Variants in ZNF479 observed in about 807,000 individuals in gnomAD.
ZNF479 encodes the protein KRAB zinc finger protein KR19.
In ZNF479, 15 loss-of-function variants were observed where a neutral mutation model predicts 14.7. That is an observed-to-expected ratio of 1.02 (90% confidence interval 0.68 to 1.57). The LOEUF (loss-of-function observed/expected upper bound fraction) is 1.57. ZNF479 is among the 40% of genes most tolerant of loss of function. The pLI is 0.00. For synonymous variants in ZNF479, 145 were observed against 211.5 expected (o/e 0.69, Z 2.73); for missense variants, 506 against 615.1 (o/e 0.82, Z 1.88).
intron 1 of ZNF479, among the ~76,000 whole-genome samples, chr7:57,139,007 T>C (rs117870900): frequency 6.6e-6 from 1 of 152,202 alleles, no homozygotes; most frequent in African/African-American, 2.4e-5. Flanking sequence ...CTTAGGGCAA[T>C]GGGCATGATC....
rs564686669 is a variant in ZNF479, at chr7:57,120,274, A to G, written c.1141T>C (p.Tyr381His). Residue 381 changes from tyrosine to histidine, a missense_variant, in exon 4 of 4, where the codon TAC becomes CAC. This residue lies in a region of ZNF479 where 420 missense variants were observed against 474.2 expected (regional missense o/e 0.89). Coordinates refer to ENST00000319636, the MANE Select transcript of ZNF479 (RefSeq NM_001370129.2). ...HRRIHTGEKP[Y>H]TCEECGQDFR... ...TCTTGGCCACATTCTTCACATGTGT[A>G]GGGTTTCTCTCCAGTATGAATTCTC... The G allele has an allele frequency of 2.0e-4, 319 of 1,606,930 alleles. 6 individuals carry two copies. The South Asian group carries it at 3.4e-3, about 17-fold the overall frequency.
rs1339134613 is a variant in ZNF479, at chr7:57,119,542, G to T, written c.*298C>A. On this transcript the variant is annotated 3_prime_UTR_variant, in exon 4 of 4. Transcript: ENST00000319636. Reference sequence around the variant, plus strand: ...GAATCGCTTGAACCCGGAAGGCAGAGGTTACAGTGAGCTGAGATCATGACA... The same window carrying T: ...GAATCGCTTGAACCCGGAAGGCAGATGTTACAGTGAGCTGAGATCATGACA... 5 of 300,834 alleles carry T rather than the reference G, an allele frequency of 1.7e-5. No individual in the cohort carries two copies. Among genetic ancestry groups the T allele is most frequent in the Non-Finnish European group, 3.1e-5 (5 of 159,368 alleles). The allele number at this position is 300,834 out of a possible 1,614,324, so 18.6% of individuals were successfully genotyped here.
At chr7:57,130,958 C>T (rs796406718) in intron 1 of ZNF479, among the ~76,000 whole-genome samples, 9 of 152,152 alleles carry the variant, frequency 5.9e-5, no homozygotes, top group African/African-American at 2.2e-4. Context: ...GCAGCAATGT[C>T]GATTGAACTG....
intron 3 of ZNF479, among the ~76,000 whole-genome samples, chr7:57,123,446 A>G (rs1353138524): frequency 6.6e-6 from 1 of 152,242 alleles, no homozygotes; most frequent in East Asian, 1.9e-4. Flanking sequence ...GGCTAAACAG[A>G]CATGTACAGA....
chr7:57,137,917 C>T (rs1786718963), intron 1 of ZNF479, among the ~76,000 whole-genome samples: 1 of 151,988 alleles, frequency 6.6e-6, no homozygotes, highest in Admixed American at 6.6e-5. Context: ...CTTTTTTTGC[C>T]TTGAATCTGT....
At chr7:57,131,518 G>A (rs1419231596) in intron 1 of ZNF479, among the ~76,000 whole-genome samples, 2 of 148,752 alleles carry the variant, frequency 1.3e-5, no homozygotes, top group African/African-American at 2.4e-5. Context: ...AGGTGAGATC[G>A]CACCACTGCA....
Position 57,119,580 on chromosome 7 carries a change from C to G in ZNF479, c.*260G>C, listed in dbSNP as rs1318645409. On this transcript the variant is annotated 3_prime_UTR_variant, in exon 4 of 4. Coordinates refer to ENST00000319636, the MANE Select transcript of ZNF479 (RefSeq NM_001370129.2). The stretch of plus-strand genomic sequence containing the variant: ...TGAGATCATGACACTGCACTCCAGC[C>G]TGGGTGACACAGGGAGACTCCAACT... 2.5e-6 allele frequency: 1 copy of G among 401,690 alleles called. No homozygotes were observed. Among genetic ancestry groups the G allele is most frequent in the Admixed American group, 4.1e-5 (1 of 24,512 alleles). 24.9% of individuals were successfully genotyped at this position (401,690 alleles called of 1,614,324 possible).
Position 57,118,836 on chromosome 7 carries a change from G to T in ZNF479, c.*1004C>A, listed in dbSNP as rs541244618. Among the ~76,000 whole-genome samples, 3 of 146,650 alleles carry T rather than the reference G, an allele frequency of 2.0e-5. No homozygotes were observed. The highest frequency in any genetic ancestry group is 1.4e-4 in the Admixed American group (2 of 14,406). On this transcript the variant is annotated 3_prime_UTR_variant, in exon 4 of 4. Coordinates refer to ENST00000319636, the MANE Select transcript of ZNF479 (RefSeq NM_001370129.2). Reference sequence around the variant, plus strand: ...TTTGCCACATTCTTCATATTTGTAGGAGTCTTCTTCAGTATAAACTATCTT... The same window carrying T: ...TTTGCCACATTCTTCATATTTGTAGTAGTCTTCTTCAGTATAAACTATCTT...
chr7:57,120,628 G>T lies in ZNF479; in HGVS notation c.787C>A (p.His263Asn). The change falls in exon 4 of 4, where the codon CAT becomes AAT. Residue 263 changes from histidine (H) to asparagine (N), a missense_variant. Coordinates refer to ENST00000319636, the MANE Select transcript of ZNF479 (RefSeq NM_001370129.2). ...SANLTRHKRT[H>N]TGEKPYTCEE... Reference sequence around the variant, plus strand: ...CACGTGTAGGGTTTCTCTCCAGTATGAGTTCTCTTATGTCTAGTAAGGTTT... The same window carrying T: ...CACGTGTAGGGTTTCTCTCCAGTATTAGTTCTCTTATGTCTAGTAAGGTTT... 1 of 1,613,924 alleles carries T rather than the reference G, an allele frequency of 6.2e-7. No individual in the cohort carries two copies. Among genetic ancestry groups the T allele is most frequent in the Non-Finnish European group, 8.5e-7 (1 of 1,179,880 alleles).
At chr7:57,132,856 G>A (rs1040137444), upstream of ZNF479, among the ~76,000 whole-genome samples, 9 of 152,110 alleles carry the variant, frequency 5.9e-5, no homozygotes, top group African/African-American at 1.9e-4. Context: ...TGTAATTCTC[G>A]TCCGTGTGCA....
intron 1 of ZNF479, among the ~76,000 whole-genome samples, chr7:57,128,864 G>C (rs776458422): frequency 6.6e-6 from 1 of 152,168 alleles, no homozygotes; most frequent in Non-Finnish European, 1.5e-5. Flanking sequence ...GAGAAAAAGT[G>C]ATTTGTTTCT....
chr7:57,124,345 T>G (rs12672391), intron 3 of ZNF479, among the ~76,000 whole-genome samples: 43,266 of 151,988 alleles, frequency 0.28, 7,125 homozygotes, highest in East Asian at 0.53. Context: ...CTGCCTCAAG[T>G]TTGCCATGAG....
intron 1 of ZNF479, chr7:57,127,586 G>C (rs1786229998): frequency 1.0e-6 from 1 of 977,804 alleles, no homozygotes; most frequent in Non-Finnish European, 1.2e-6. Flanking sequence ...GTTTTTCCCA[G>C]TTTCTCTCAC....
chr7:57,130,936 A>G (rs1171337512), intron 1 of ZNF479, among the ~76,000 whole-genome samples: 1 of 152,226 alleles, frequency 6.6e-6, no homozygotes, highest in African/African-American at 2.4e-5. Flanking sequence ...AAAGAACAAC[A>G]TCATGTCCTT....
Position 57,119,256 on chromosome 7 carries a change from C to G in ZNF479, c.*584G>C, listed in dbSNP as rs1247831593. 6.6e-6 allele frequency among the ~76,000 whole-genome samples: 1 copy of G among 152,254 alleles called. No individual in the cohort carries two copies. The highest frequency in any genetic ancestry group is 1.9e-4 in the East Asian group (1 of 5,178). On this transcript the variant is annotated 3_prime_UTR_variant, in exon 4 of 4. Coordinates refer to ENST00000319636, the MANE Select transcript of ZNF479 (RefSeq NM_001370129.2). ...CACATTCTTTGCTTTTGTAGAGTTT[C>G]TCTCTAGAATGAATGATCAGATAAT...
At chr7:57,131,601 T>C (rs993181705) in intron 1 of ZNF479, among the ~76,000 whole-genome samples, 3 of 136,922 alleles carry the variant, frequency 2.2e-5, no homozygotes, top group African/African-American at 7.5e-5. Flanking sequence ...AAAAAAACAT[T>C]TCTTGTAAAT....
chr7:57,137,149 G>A (rs1254780501), upstream of ZNF479, among the ~76,000 whole-genome samples: 1 of 152,118 alleles, frequency 6.6e-6, no homozygotes, highest in African/African-American at 2.4e-5. Flanking sequence ...GAGCATCATG[G>A]TTAAAAGTCA....
chr7:57,133,191 TG>T (rs1390897126), upstream of ZNF479, among the ~76,000 whole-genome samples: 1 of 152,120 alleles, frequency 6.6e-6, no homozygotes, highest in Non-Finnish European at 1.5e-5. Flanking sequence ...AGGAGGTGAT[TG>T]GATCATTGGT....
chr7:57,118,568 C>T lies in ZNF479; in HGVS notation c.*1272G>A, dbSNP rs1272844455. 1.1e-4 allele frequency among the ~76,000 whole-genome samples: 16 copies of T among 152,166 alleles called. No homozygotes were observed. Among genetic ancestry groups the T allele is most frequent in the African/African-American group, 3.9e-4 (16 of 41,456 alleles). On this transcript the variant is annotated 3_prime_UTR_variant, in exon 4 of 4. Transcript: ENST00000319636. Reference sequence around the variant, plus strand: ...TCTATTTTTAGTAGAGATGGAGTTTCACCATGTTGGCCAGGCTGGTCTTGA... The same window carrying T: ...TCTATTTTTAGTAGAGATGGAGTTTTACCATGTTGGCCAGGCTGGTCTTGA...
Sources: gnomAD v4.1 joint callset for allele counts (sites outside exome capture counted in the v4.1 genomes callset) on GRCh38, gnomAD v4.1.1 for gene constraint, gnomAD v4.1.1 regional missense constraint, MANE v1.5 for transcripts, NCBI Gene and HGNC (gene_info 2026-07-23, HGNC 2026-07-21) for gene names.